EGFLAM: variants seen among roughly 807,000 people sequenced by gnomAD.
The protein encoded by EGFLAM is pikachurin.
Under a neutral mutation model 113.1 loss-of-function variants are expected in EGFLAM, and 79 were observed. The observed-to-expected ratio is 0.70, with a 90% CI of 0.58 to 0.84. The LOEUF (loss-of-function observed/expected upper bound fraction) is 0.84. EGFLAM is among the 40% of genes least tolerant of loss of function. EGFLAM has a pLI of 0.00. For synonymous variants in EGFLAM, 504 were observed against 487.6 expected, an observed-to-expected ratio of 1.03 and a Z score of -0.44; for missense variants, 1,265 against 1,291.6, an observed-to-expected ratio of 0.98 and a Z score of 0.32.
intron 17 of EGFLAM, among the ~76,000 whole-genome samples, chr5:38,441,224 G>A (rs553838474): frequency 7.9e-5 from 12 of 152,228 alleles, no homozygotes; most frequent in African/African-American, 2.9e-4. Flanking sequence ...AGACCCACCA[G>A]GACAGGAGAA....
chr5:38,268,135 C>T (rs989308513), intron 1 of EGFLAM, among the ~76,000 whole-genome samples: 5 of 152,140 alleles, frequency 3.3e-5, no homozygotes, highest in African/African-American at 1.2e-4. Flanking sequence ...GTATCTCTCT[C>T]AGCAGATACA....
chr5:38,396,124 T>A (rs1396836600), intron 6 of EGFLAM, among the ~76,000 whole-genome samples: 1 of 151,798 alleles, frequency 6.6e-6, no homozygotes, highest in Non-Finnish European at 1.5e-5. Context: ...ACTACTCATA[T>A]GAAAACACCA....
chr5:38,289,952 C>A (rs1758271560), intron 1 of EGFLAM, among the ~76,000 whole-genome samples: 1 of 152,218 alleles, frequency 6.6e-6, no homozygotes, highest in Admixed American at 6.5e-5. Flanking sequence ...GAAGCACTTA[C>A]TCTGTCAGGC....
intron 1 of EGFLAM, among the ~76,000 whole-genome samples, chr5:38,333,118 CAA>C (rs1739088226): frequency 6.6e-6 from 1 of 152,190 alleles, no homozygotes; most frequent in Non-Finnish European, 1.5e-5. Flanking sequence ...CATGTTCCCA[CAA>C]AAGACATGAT....
intron 5 of EGFLAM, among the ~76,000 whole-genome samples, chr5:38,368,322 A>G (rs1315850448): frequency 7.9e-5 from 12 of 152,332 alleles, no homozygotes; most frequent in African/African-American, 2.4e-4. Flanking sequence ...TCTTTGGGAA[A>G]AGAATATCAG....
intron 1 of EGFLAM, among the ~76,000 whole-genome samples, chr5:38,312,243 A>ATT (rs35055096): frequency 2.4e-4 from 33 of 140,250 alleles, no homozygotes; most frequent in African/African-American, 2.9e-4. Flanking sequence ...TGTATCTCAG[A>ATT]TTTTTTTTTT....
intron 3 of EGFLAM, chr5:38,345,806 T>A (rs1739459521): frequency 6.6e-6 from 1 of 152,242 alleles, no homozygotes; most frequent in Non-Finnish European, 1.5e-5. Flanking sequence ...TGCCCTAGTT[T>A]GATGCCAGGC....
chr5:38,339,430 A>T (rs1335102443), intron 3 of EGFLAM, among the ~76,000 whole-genome samples: 1 of 152,212 alleles, frequency 6.6e-6, no homozygotes, highest in African/African-American at 2.4e-5. Context: ...ACAAGGAGTT[A>T]GCACCAGTGC....
rs797021726 is a variant in EGFLAM at position 38,399,277 on chromosome 5, G to GTTTTTTTTT, written c.713-6839_713-6831dup. Among the ~76,000 whole-genome samples the GTTTTTTTTT allele has an allele frequency of 6.2e-4, 74 of 118,478 alleles. 1 individual carries two copies. The highest frequency in any genetic ancestry group is 8.6e-4 in the Non-Finnish European group (49 of 57,092). 77.7% of individuals were successfully genotyped at this position (118,478 alleles called of 152,430 possible). On this transcript the variant is annotated intron_variant, in intron 6 of 21. Coordinates refer to ENST00000322350, the MANE Select transcript of EGFLAM (RefSeq NM_152403.4). Reference sequence around the variant, plus strand: ...CAGGTTCTTTTTTATTTTTGTTTTCGTTTTTTTTTTTTTTTTTTGAGATGG... The same window carrying GTTTTTTTTT: ...CAGGTTCTTTTTTATTTTTGTTTTCGTTTTTTTTTTTTTTTTTTTTTTTTTTTGAGATGG...
chr5:38,355,357 G>C (rs1739738902), intron 5 of EGFLAM, among the ~76,000 whole-genome samples: 1 of 152,150 alleles, frequency 6.6e-6, no homozygotes. Flanking sequence ...GAAGGGGGGA[G>C]TCTGGAGAGG....
chr5:38,301,405 T>C (rs1561269429), intron 1 of EGFLAM, among the ~76,000 whole-genome samples: 1 of 152,012 alleles, frequency 6.6e-6, no homozygotes, highest in Admixed American at 6.6e-5. Flanking sequence ...ACCGGTGCCT[T>C]TGAAGAAAGG....
Position 38,350,408 on chromosome 5 carries a change from A to G in EGFLAM, c.292-93A>G, listed in dbSNP as rs1739588937. 4 of 1,220,896 alleles carry G rather than the reference A, an allele frequency of 3.3e-6. No individual in the cohort carries two copies. The African/African-American group carries it at 4.5e-5, about 14-fold the overall frequency. 75.6% of individuals were successfully genotyped at this position (1,220,896 alleles called of 1,614,324 possible). ...CATTCTCTGTGCCAAGCAGTTTCAC[A>G]GGGGCCTCGAGATATAAACCTCATG... On this transcript the variant is annotated intron_variant, in intron 3 of 21. Coordinates refer to ENST00000322350, the MANE Select transcript of EGFLAM (RefSeq NM_152403.4).
In EGFLAM at chr5:38,327,545, T is replaced by C. The variant is rs571338445; in HGVS notation, c.98-9975T>C. 2.4e-3 allele frequency among the ~76,000 whole-genome samples: 370 copies of C among 152,340 alleles called. 1 individual carries two copies. The highest frequency in any genetic ancestry group is 4.6e-3 in the Non-Finnish European group (313 of 68,026). Reference sequence around the variant, plus strand: ...ACTGTAATAATAGTATTGGTGGCAATTGAGTATGCTTTTCTGTTTAATACT... The same window carrying C: ...ACTGTAATAATAGTATTGGTGGCAACTGAGTATGCTTTTCTGTTTAATACT... On this transcript the variant is annotated intron_variant, in intron 1 of 21. Coordinates refer to ENST00000322350, the MANE Select transcript of EGFLAM (RefSeq NM_152403.4).
At chr5:38,259,932 T>G (rs1351694079) in intron 1 of EGFLAM, among the ~76,000 whole-genome samples, 1 of 152,174 alleles carries the variant, frequency 6.6e-6, no homozygotes, top group African/African-American at 2.4e-5. Context: ...GCATTGAAAC[T>G]CTCTATCTGG....
At chr5:38,376,129 T>C (rs1164286085) in intron 6 of EGFLAM, among the ~76,000 whole-genome samples, 1 of 152,100 alleles carries the variant, frequency 6.6e-6, no homozygotes, top group Non-Finnish European at 1.5e-5. Context: ...AATCAGGCAG[T>C]TGGAGTGCAG....
intron 1 of EGFLAM, among the ~76,000 whole-genome samples, chr5:38,328,723 G>GTTTTTTTTTTT (rs3077265): frequency 1.9e-5 from 2 of 103,016 alleles, no homozygotes; most frequent in African/African-American, 7.3e-5. Context: ...AGCTATACTT[G>GTTTTTTTTTTT]TTTTTTTTTT....
At chr5:38,389,469 T>C (rs1050863238) in intron 6 of EGFLAM, among the ~76,000 whole-genome samples, 25 of 152,336 alleles carry the variant, frequency 1.6e-4, no homozygotes, top group African/African-American at 5.8e-4. Flanking sequence ...TTGGATTTTG[T>C]ATTTCAGTAT....
chr5:38,430,857 A>C (rs561636538), intron 14 of EGFLAM, among the ~76,000 whole-genome samples: 13 of 152,312 alleles, frequency 8.5e-5, no homozygotes, highest in African/African-American at 3.1e-4. Flanking sequence ...TGATGATGTA[A>C]GTCTTGGTCC....
At chr5:38,312,288 C>G (rs1278195586) in intron 1 of EGFLAM, among the ~76,000 whole-genome samples, 2 of 150,968 alleles carry the variant, frequency 1.3e-5, no homozygotes, top group Non-Finnish European at 2.9e-5. Context: ...GTCGCCCAGG[C>G]TGGAGTGCAG....
Sources: gnomAD v4.1 joint callset for allele counts (sites outside exome capture counted in the v4.1 genomes callset) on GRCh38, gnomAD v4.1.1 for gene constraint, MANE v1.5 for transcripts, NCBI Gene and HGNC (gene_info 2026-07-23, HGNC 2026-07-21) for gene names.